CARD8: variants seen among roughly 807,000 people sequenced by gnomAD.
CARD8 encodes caspase recruitment domain family member 8.
Under a neutral mutation model 53.2 loss-of-function variants are expected in CARD8, and 38 were observed. The ratio of observed to expected loss-of-function variants is 0.71; its 90% CI spans 0.55 to 0.94. The LOEUF is 0.94. CARD8 is among the 40% of genes least tolerant of loss of function. The probability of loss-of-function intolerance (pLI) is 0.00; values close to 1 mark genes in which losing one functional copy is unlikely to be tolerated. For synonymous variants in CARD8, 245 were observed against 244.9 expected (o/e 1.00, Z 0.00); for missense variants, 561 against 655.5 (o/e 0.86, Z 1.57).
chr19:48,204,273 C>A, downstream of CARD8: 2 of 441,876 alleles, frequency 4.5e-6, no homozygotes, highest in Non-Finnish European at 9.2e-6. Context: ...GGATTAGAGA[C>A]CTCGCGGGAG....
At chr19:48,228,845 G>A (rs1457053702) in intron 10 of CARD8, among the ~76,000 whole-genome samples, 3 of 152,100 alleles carry the variant, frequency 2.0e-5, no homozygotes, top group East Asian at 1.9e-4. Flanking sequence ...CCTTGTGTAC[G>A]AAGAGGGAGG....
chr19:48,215,518 A>T lies in CARD8; in HGVS notation c.1304-134T>A. 5 of 623,740 alleles carry T rather than the reference A, an allele frequency of 8.0e-6. No homozygotes were observed. The South Asian group carries it at 8.7e-5, about 11-fold the overall frequency. 38.6% of individuals were successfully genotyped at this position (623,740 alleles called of 1,614,324 possible). A position where few individuals can be genotyped will look rare whatever the true frequency, so the allele number is the denominator to read the frequency against. On this transcript the variant is annotated intron_variant, in intron 12 of 13. Coordinates refer to ENST00000651546, the MANE Select transcript of CARD8 (RefSeq NM_001184900.3). Reference sequence around the variant, plus strand: ...TCATAAGGCTCTTGTTTTGCACACTAATACACTGAGGAAACCCCATTAAGT... The same window carrying T: ...TCATAAGGCTCTTGTTTTGCACACTTATACACTGAGGAAACCCCATTAAGT...
At chr19:48,252,661 AT>A (rs967416570) in intron 1 of CARD8, among the ~76,000 whole-genome samples, 2 of 151,268 alleles carry the variant, frequency 1.3e-5, no homozygotes, top group African/African-American at 4.9e-5. Context: ...TGCCTGGCTA[AT>A]TTTTTTGTAT....
chr19:48,248,919 C>A (rs2046545866), intron 3 of CARD8, among the ~76,000 whole-genome samples: 1 of 152,244 alleles, frequency 6.6e-6, no homozygotes, highest in South Asian at 2.1e-4. Flanking sequence ...ACTATTGGGC[C>A]GGGCACGGTG....
chr19:48,233,190 C>T (rs1012568857), intron 6 of CARD8: 2 of 368,794 alleles, frequency 5.4e-6, no homozygotes, highest in African/African-American at 4.3e-5. Flanking sequence ...CAATATTAGC[C>T]AATATGGGTT....
At chr19:48,248,513 G>A (rs2046470496) in intron 3 of CARD8, among the ~76,000 whole-genome samples, 3 of 152,194 alleles carry the variant, frequency 2.0e-5, no homozygotes, top group South Asian at 2.1e-4. Context: ...GTAATCAGGG[G>A]AATGTGCATG....
chr19:48,251,645 CTTATT>C (rs1263114477), intron 1 of CARD8, among the ~76,000 whole-genome samples: 2 of 152,112 alleles, frequency 1.3e-5, no homozygotes, highest in African/African-American at 2.4e-5. Context: ...CTCTATGGGA[CTTATT>C]TTATTCATTC....
chr19:48,238,089 C>A (rs185910860), intron 5 of CARD8, among the ~76,000 whole-genome samples: 236 of 151,956 alleles, frequency 1.6e-3, no homozygotes, highest in African/African-American at 5.5e-3. Flanking sequence ...TGGGGTTTCA[C>A]CATGTAGGCC....
chr19:48,224,110 T>C (rs1254731308), intron 10 of CARD8, among the ~76,000 whole-genome samples: 2 of 152,132 alleles, frequency 1.3e-5, no homozygotes, highest in African/African-American at 4.8e-5. Flanking sequence ...TACAGGCGCA[T>C]GCCAGCACGC....
intron 11 of CARD8, among the ~76,000 whole-genome samples, chr19:48,219,747 A>G (rs948889751): frequency 1.3e-5 from 2 of 152,094 alleles, no homozygotes; most frequent in Non-Finnish European, 2.9e-5. Context: ...GAGGTGACCG[A>G]TTGCTTGAGG....
Position 48,238,510 on chromosome 19 carries a change from T to C in CARD8, c.82A>G (p.Ile28Val), listed in dbSNP as rs1383137874. The C allele has an allele frequency of 1.3e-6, 2 of 1,536,512 alleles. No individual in the cohort carries two copies. Among genetic ancestry groups the C allele is most frequent in the Admixed American group, 2.0e-5 (1 of 50,994 alleles). ...AGTCTAATGAGTTTGGATGCATCTA[T>C]GTTCCTACTGGATCCACTGTCCCTG... is the stretch of plus-strand genomic sequence containing the variant. ...PRRDSGSSRN[I>V]DASKLIRLQG... The change falls in exon 5 of 14, where the codon ATA becomes GTA. Residue 28 changes from isoleucine to valine, a missense_variant. Transcript: ENST00000651546.
At chr19:48,204,345 A>G (rs115132442), downstream of CARD8, 1,844 of 368,172 alleles carry the variant, frequency 5.0e-3, 32 homozygotes, top group African/African-American at 0.035. Context: ...ATCAGTCTGC[A>G]GTAAGGGGAG....
intron 1 of CARD8, among the ~76,000 whole-genome samples, chr19:48,254,750 G>A (rs2047372339): frequency 6.6e-6 from 1 of 152,112 alleles, no homozygotes; most frequent in South Asian, 2.1e-4. Flanking sequence ...AGATAACCCT[G>A]ACAAATAGAG....
chr19:48,230,592 G>C lies in CARD8; in HGVS notation c.881C>G (p.Pro294Arg). 1.2e-6 allele frequency: 2 copies of C among 1,614,126 alleles called. No homozygotes were observed. The highest frequency in any genetic ancestry group is 2.2e-5 in the South Asian group (2 of 91,088). The change falls in exon 10 of 14, where the codon CCC (proline) becomes CGC (arginine). Residue 294 changes from proline (P) to arginine (R), a missense_variant. Physicochemically the swap from Pro to Arg is moderately radical, Grantham distance 103 (BLOSUM62 -2). Coordinates refer to ENST00000651546, the MANE Select transcript of CARD8 (RefSeq NM_001184900.3). ...VEPFYAVLES[P>R]SFSLMGILLR... ...CAGGATGCCCATCAGAGAGAAGCTG[G>C]GGCTTTCCAGGACAGCATAGAAAGG...
chr19:48,243,575 T>C (rs982275947), intron 3 of CARD8, among the ~76,000 whole-genome samples: 1 of 152,260 alleles, frequency 6.6e-6, no homozygotes, highest in Non-Finnish European at 1.5e-5. Flanking sequence ...AGCTTTTCCT[T>C]TGTTATAACG....
At chr19:48,222,971 CTA>C (rs2040983221) in intron 10 of CARD8, among the ~76,000 whole-genome samples, 1 of 152,060 alleles carries the variant, frequency 6.6e-6, no homozygotes, top group Non-Finnish European at 1.5e-5. Flanking sequence ...AGTGTGTCAA[CTA>C]TGAAAATTAT....
chr19:48,205,522 G>A (rs546917126), downstream of CARD8, among the ~76,000 whole-genome samples: 7 of 152,158 alleles, frequency 4.6e-5, no homozygotes, highest in African/African-American at 7.2e-5. Context: ...GAGCCACTGC[G>A]CCTGGCCCAT....
chr19:48,247,236 A>T lies in CARD8; in HGVS notation c.-44+2287T>A, dbSNP rs145898424. 1.1e-3 allele frequency among the ~76,000 whole-genome samples: 170 copies of T among 152,344 alleles called. 2 individuals carry two copies. Among genetic ancestry groups the T allele is most frequent in the African/African-American group, 4.0e-3 (165 of 41,584 alleles). Reference sequence around the variant, plus strand: ...CTACTCGGGAGGGTGAGGCAGGAGAATCGCTTGAACCAAGAAGTCATAGGT... The same window carrying T: ...CTACTCGGGAGGGTGAGGCAGGAGATTCGCTTGAACCAAGAAGTCATAGGT... On this transcript the variant is annotated intron_variant, in intron 3 of 13. Transcript: ENST00000651546.
intron 3 of CARD8, among the ~76,000 whole-genome samples, chr19:48,249,208 A>G (rs958836058): frequency 5.9e-5 from 9 of 152,196 alleles, no homozygotes; most frequent in Admixed American, 2.6e-4. Context: ...AAAAAAAAAA[A>G]AAGTAATATT....
Sources: gnomAD v4.1 joint callset for allele counts (sites outside exome capture counted in the v4.1 genomes callset) on GRCh38, gnomAD v4.1.1 for gene constraint, MANE v1.5 for transcripts, NCBI Gene and HGNC (gene_info 2026-07-23, HGNC 2026-07-21) for gene names.